Variants in RBFOX1 observed in about 807,000 individuals in gnomAD.
The protein encoded by RBFOX1 is RNA binding protein fox-1 homolog 1.
In RBFOX1, 8 loss-of-function variants were observed where a neutral mutation model predicts 57.7. That is an observed-to-expected ratio of 0.14 (90% CI 0.08 to 0.25). The LOEUF (loss-of-function observed/expected upper bound fraction) is 0.25, where lower values mean the gene tolerates loss of function less well. RBFOX1 is among the 10% of genes least tolerant of loss of function. The probability of loss-of-function intolerance (pLI) is 1.00; values close to 1 mark genes in which losing one functional copy is unlikely to be tolerated. For missense variants in RBFOX1, 611 were observed against 548.5 expected, an observed-to-expected ratio of 1.11 and a Z score of -1.14; for synonymous variants, 326 against 222.4, an observed-to-expected ratio of 1.47 and a Z score of -4.15.
chr16:7,098,557 C>A (rs905788632), intron 4 of RBFOX1, among the ~76,000 whole-genome samples: 9 of 152,298 alleles, frequency 5.9e-5, no homozygotes, highest in African/African-American at 2.2e-4. Flanking sequence ...ACACACACAT[C>A]AGCACCCTTA....
At chr16:6,776,417 A>T (rs962059232) in intron 3 of RBFOX1, among the ~76,000 whole-genome samples, 1 of 104,212 alleles carries the variant, frequency 9.6e-6, no homozygotes, top group African/African-American at 3.0e-5. Context: ...CCTCGGAAAA[A>T]AACAAAAAAC....
intron 3 of RBFOX1, among the ~76,000 whole-genome samples, chr16:6,944,572 A>G (rs1182423549): frequency 6.6e-6 from 1 of 152,128 alleles, no homozygotes; most frequent in East Asian, 1.9e-4. Context: ...GGAAATGTGT[A>G]CATTAAGAGA....
At chr16:7,007,115 G>A (rs1439048955) in intron 3 of RBFOX1, among the ~76,000 whole-genome samples, 1 of 152,182 alleles carries the variant, frequency 6.6e-6, no homozygotes. Flanking sequence ...GGACTGATAA[G>A]GAGGCTCTGG....
intron 2 of RBFOX1, among the ~76,000 whole-genome samples, chr16:6,587,225 T>C (rs2097640658): frequency 6.6e-6 from 1 of 152,180 alleles, no homozygotes; most frequent in South Asian, 2.1e-4. Flanking sequence ...TCTCTGCATT[T>C]ATGGGTTCAC....
intron 3 of RBFOX1, among the ~76,000 whole-genome samples, chr16:5,731,613 T>C (rs1017070860): frequency 4.6e-5 from 7 of 152,154 alleles, no homozygotes; most frequent in African/African-American, 1.7e-4. Flanking sequence ...GCATGAACTA[T>C]GTAATCTCTC....
chr16:6,370,080 C>T lies in RBFOX1; in HGVS notation c.-64+53023C>T, dbSNP rs768517843. ...TTTTTTAAGAACACATACGCTGGGC[C>T]GGGTGCGGTGGCTTATGCCTGTAAT... On this transcript the variant is annotated intron_variant, in intron 2 of 15. Coordinates refer to ENST00000550418, the MANE Select transcript of RBFOX1 (RefSeq NM_018723.4). 1.1e-4 allele frequency among the ~76,000 whole-genome samples: 17 copies of T among 152,112 alleles called. 1 individual carries two copies. Among genetic ancestry groups the T allele is most frequent in the Admixed American group, 9.2e-4 (14 of 15,272 alleles).
chr16:7,299,918 C>A (rs1428897246), intron 4 of RBFOX1, among the ~76,000 whole-genome samples: 1 of 152,152 alleles, frequency 6.6e-6, no homozygotes, highest in Non-Finnish European at 1.5e-5. Flanking sequence ...GATATTTTCA[C>A]CTTACCATGG....
At chr16:5,817,992 G>C (rs1000429937) in intron 3 of RBFOX1, among the ~76,000 whole-genome samples, 1 of 152,124 alleles carries the variant, frequency 6.6e-6, no homozygotes, top group Non-Finnish European at 1.5e-5. Flanking sequence ...GCCTGGCCAG[G>C]TCTTGTGGGC....
intron 14 of RBFOX1, among the ~76,000 whole-genome samples, chr16:7,708,805 A>C (rs927169802): frequency 7.6e-6 from 1 of 131,766 alleles, no homozygotes; most frequent in Non-Finnish European, 1.6e-5. Context: ...GAGGCAGGGA[A>C]AAGCATATGT....
At chr16:6,147,911 A>G (rs1246596888) in intron 1 of RBFOX1, among the ~76,000 whole-genome samples, 1 of 152,218 alleles carries the variant, frequency 6.6e-6, no homozygotes, top group Non-Finnish European at 1.5e-5. Flanking sequence ...CTCCATTGCT[A>G]TGACCTTGCC....
intron 1 of RBFOX1, among the ~76,000 whole-genome samples, chr16:6,203,235 C>T (rs1342076216): frequency 6.6e-6 from 1 of 152,152 alleles, no homozygotes; most frequent in East Asian, 1.9e-4. Context: ...TACCCTTTGA[C>T]TGACACTTCT....
chr16:6,517,650 C>T (rs566022643), intron 2 of RBFOX1, among the ~76,000 whole-genome samples: 9 of 152,164 alleles, frequency 5.9e-5, no homozygotes, highest in Admixed American at 2.0e-4. Flanking sequence ...CGAGATAGTA[C>T]TTGATGGCTA....
intron 2 of RBFOX1, among the ~76,000 whole-genome samples, chr16:5,493,099 T>C (rs1166028394): frequency 6.6e-6 from 1 of 152,264 alleles, no homozygotes; most frequent in Non-Finnish European, 1.5e-5. Context: ...GCTGAGAAGA[T>C]GTGGCAGAGA....
chr16:7,156,461 AC>A (rs1258680774), intron 4 of RBFOX1, among the ~76,000 whole-genome samples: 1 of 152,092 alleles, frequency 6.6e-6, no homozygotes. Context: ...GTGTACATAT[AC>A]ATGCACATAT....
At chr16:5,932,427 A>T (rs2059080245) in intron 4 of RBFOX1, among the ~76,000 whole-genome samples, 1 of 152,184 alleles carries the variant, frequency 6.6e-6, no homozygotes, top group Non-Finnish European at 1.5e-5. Context: ...CAGCACCTCC[A>T]GATGAAAATT....
downstream of RBFOX1, among the ~76,000 whole-genome samples, chr16:5,602,382 A>C (rs1302459537): frequency 1.3e-5 from 2 of 152,224 alleles, no homozygotes; most frequent in South Asian, 4.1e-4. Flanking sequence ...TAGCACAAAT[A>C]ATTTTTAAAA....
At chr16:7,704,287 C>T (rs1369428684) in intron 14 of RBFOX1, among the ~76,000 whole-genome samples, 1 of 152,194 alleles carries the variant, frequency 6.6e-6, no homozygotes, top group South Asian at 2.1e-4. Flanking sequence ...GCCAGGAAAG[C>T]AGTCCTCTTT....
chr16:7,630,356 G>C (rs901630045), intron 10 of RBFOX1, among the ~76,000 whole-genome samples: 1 of 151,762 alleles, frequency 6.6e-6, no homozygotes, highest in African/African-American at 2.4e-5. Context: ...GGGGCAACCA[G>C]AGTCCGCTAC....
chr16:7,007,168 T>C (rs552526268), intron 3 of RBFOX1, among the ~76,000 whole-genome samples: 18 of 152,318 alleles, frequency 1.2e-4, no homozygotes, highest in African/African-American at 4.3e-4. Context: ...CAGCAAAATT[T>C]ATTTCCTTGC....
Sources: gnomAD v4.1 joint callset for allele counts (sites outside exome capture counted in the v4.1 genomes callset) on GRCh38, gnomAD v4.1.1 for gene constraint, MANE v1.5 for transcripts, NCBI Gene and HGNC (gene_info 2026-07-23, HGNC 2026-07-21) for gene names.